The following JMJD7 variants were observed in gnomAD, a reference collection of about 807,000 sequenced individuals.
JMJD7 encodes bifunctional peptidase and (3S)-lysyl hydroxylase JMJD7.
JMJD7 carries 41 observed loss-of-function variants against 41.1 expected under a neutral mutation model. The ratio of observed to expected loss-of-function variants is 1.00; its 90% CI spans 0.78 to 1.30. The LOEUF (loss-of-function observed/expected upper bound fraction) is 1.30, where lower values mean the gene tolerates loss of function less well. Among genes scored for constraint, JMJD7 ranks in the 50% most tolerant of loss-of-function variants. The probability of loss-of-function intolerance (pLI) is 0.00; values close to 1 mark genes in which losing one functional copy is unlikely to be tolerated. For synonymous variants in JMJD7, 202 were observed against 177.2 expected, an observed-to-expected ratio of 1.14 and a Z score of -1.11; for missense variants, 480 against 420.7, an observed-to-expected ratio of 1.14 and a Z score of -1.23.
Position 41,836,234 on chromosome 15 carries a change from A to G in JMJD7, c.616A>G (p.Ile206Val), listed in dbSNP as rs144966733. 1.5e-4 allele frequency: 238 copies of G among 1,612,936 alleles called. 1 individual carries two copies. Among genetic ancestry groups the G allele is most frequent in the Non-Finnish European group, 2.0e-4 (236 of 1,179,538 alleles). Residue 206 changes from isoleucine (I) to valine (V), a missense_variant, in exon 5 of 8, where the codon ATC (isoleucine) becomes GTC (valine). Coordinates refer to ENST00000397299, the MANE Select transcript of JMJD7 (RefSeq NM_001114632.2). ...LFHPPSDRPF[I>V]PYELYTPATY... is the part of the protein sequence containing the mutation. ...CCATCCGCCCAGCGACCGGCCCTTC[A>G]TCCCCTATGGTAGGGGATGTGGCCT...
intron 1 of JMJD7, among the ~76,000 whole-genome samples, chr15:41,833,425 T>TA (rs2065262917): frequency 8.3e-6 from 1 of 121,180 alleles, no homozygotes; most frequent in African/African-American, 2.8e-5. Context: ...TTTTTTTTTT[T>TA]TTTTTTTTTT....
chr15:41,834,884 C>T lies in JMJD7; in HGVS notation c.209C>T (p.Pro70Leu). The change falls in exon 2 of 8, where the codon CCC becomes CTC. Residue 70 changes from proline (P) to leucine (L), a missense_variant. By Grantham distance (98) the Pro-to-Leu change is moderately conservative. Transcript: ENST00000397299. The stretch of plus-strand genomic sequence containing the variant: ...CCGGCCCTCCAGAAGTGGTCCCTCC[C>T]CTATTTCAGGTGGGAGCTGCCCTGG... Reference protein sequence around the residue: ...HWPALQKWSLPYFRATVGSTE... With the variant: ...HWPALQKWSLLYFRATVGSTE... 1 of 1,613,982 alleles carries T rather than the reference C, an allele frequency of 6.2e-7. No homozygotes were observed. Among genetic ancestry groups the T allele is most frequent in the Non-Finnish European group, 8.5e-7 (1 of 1,179,870 alleles).
rs564589638 is a variant in JMJD7, at chr15:41,832,748, G to A, written c.65-1992G>A. ...TCAGAAAGTAAAGGTGACTGGCATGGTGTTGCTGTGAGAGGTGCAGCGTAA... is the reference window on the plus strand; with the variant it reads ...TCAGAAAGTAAAGGTGACTGGCATGATGTTGCTGTGAGAGGTGCAGCGTAA... On this transcript the variant is annotated intron_variant, in intron 1 of 7. Transcript: ENST00000397299. 9.3e-4 allele frequency among the ~76,000 whole-genome samples: 142 copies of A among 152,332 alleles called. No homozygotes were observed. The South Asian group carries it at 0.015, about 16-fold the overall frequency.
In JMJD7 at chr15:41,835,634, A is replaced by G. The variant is rs769248515; in HGVS notation, c.519A>G (p.Ala173=). ...ACTTCTGGCTGGGGGAGGCGGCTGC[A>G]GTGACTTCTTGTAGGTGTAAGGGGA... ...AVNFWLGEAA[A]VTSLHKDHYE... Residue 173 remains alanine, a synonymous_variant, in exon 4 of 8, where the codon GCA becomes GCG. Coordinates refer to ENST00000397299, the MANE Select transcript of JMJD7 (RefSeq NM_001114632.2). 11 of 1,613,534 alleles carry G rather than the reference A, an allele frequency of 6.8e-6. No individual in the cohort carries two copies. The highest frequency in any genetic ancestry group is 1.7e-4 in the Middle Eastern group (1 of 6,054).
intron 6 of JMJD7, 35 bp from the exon 7 acceptor site, chr15:41,836,746 G>C: frequency 6.4e-7 from 1 of 1,569,304 alleles, no homozygotes. Flanking sequence ...TGGGGGGTCT[G>C]GGGGGCTGCT....
intron 3 of JMJD7, 22 bp downstream of exon 3, chr15:41,835,245 G>A (rs2241523): frequency 1.1e-5 from 18 of 1,588,436 alleles, no homozygotes; most frequent in Non-Finnish European, 1.4e-5. Flanking sequence ...TGGGGTGGTC[G>A]TGGCCCTGGA....
rs775344075 is a variant in JMJD7, at chr15:41,835,044, G to A, written c.293G>A (p.Arg98His). ...DGYADAVRGD[R>H]FMMPAERRLP... ...TACGCGGATGCCGTGAGAGGGGATC[G>A]CTTCATGATGCCAGCTGAGCGCCGC... Residue 98 changes from arginine (R) to histidine (H), a missense_variant, in exon 3 of 8, where the codon CGC (arginine) becomes CAC (histidine). Coordinates refer to ENST00000397299, the MANE Select transcript of JMJD7 (RefSeq NM_001114632.2). The A allele has an allele frequency of 5.0e-5, 81 of 1,613,814 alleles. No individual in the cohort carries two copies. The East Asian group carries it at 8.7e-4, about 17-fold the overall frequency.
At chr15:41,836,737 G>A (rs770124392) in intron 6 of JMJD7, 44 bp from the exon 7 acceptor site, 1 of 1,555,202 alleles carries the variant, frequency 6.4e-7, no homozygotes, top group Non-Finnish European at 8.7e-7. Context: ...CTGAAGTCCT[G>A]GGGGGTCTGG....
At chr15:41,834,683 G>C (rs1271699343) in intron 1 of JMJD7, 57 bp from the exon 2 acceptor site, 11 of 1,585,870 alleles carry the variant, frequency 6.9e-6, no homozygotes, top group East Asian at 2.2e-5. Flanking sequence ...CTCTTGGGCA[G>C]GGACTGGGTG....
chr15:41,835,714 G>A, intron 4 of JMJD7, 70 bp downstream of exon 4: 2 of 1,551,070 alleles, frequency 1.3e-6, no homozygotes, highest in African/African-American at 1.4e-5. Context: ...ACGAGGCCAG[G>A]AGTGGAGGGA....
At chr15:41,833,478 T>C (rs1165245643) in intron 1 of JMJD7, among the ~76,000 whole-genome samples, 7 of 140,652 alleles carry the variant, frequency 5.0e-5, no homozygotes, top group African/African-American at 1.6e-4. Flanking sequence ...TGGAGTGCAG[T>C]GGCACGATGA....
chr15:41,833,414 A>ATATATATATTTTTTTTTTTT (rs1239528383), intron 1 of JMJD7, among the ~76,000 whole-genome samples: 1 of 31,998 alleles, frequency 3.1e-5, no homozygotes, highest in Non-Finnish European at 6.1e-5. Flanking sequence ...ATATATATAT[A>ATATATATATTTTTTTTTTTT]TTTTTTTTTT....
At chr15:41,828,613 T>G in intron 1 of JMJD7, 1 of 166,210 alleles carries the variant, frequency 6.0e-6, no homozygotes, top group Non-Finnish European at 1.3e-5. Context: ...TTGGTTTTTA[T>G]TCCTTTTCTT....
intron 1 of JMJD7, among the ~76,000 whole-genome samples, chr15:41,831,635 A>G (rs1046710855): frequency 6.6e-6 from 1 of 152,186 alleles, no homozygotes; most frequent in African/African-American, 2.4e-5. Flanking sequence ...TGAACACTCA[A>G]CAGGACTACC....
intron 1 of JMJD7, 154 bp downstream of exon 1, chr15:41,828,342 G>A: frequency 2.2e-6 from 2 of 914,490 alleles, no homozygotes; most frequent in South Asian, 5.2e-5. Flanking sequence ...CTTCTCCCGT[G>A]TTCGCGCGCT....
intron 1 of JMJD7, among the ~76,000 whole-genome samples, chr15:41,833,791 G>A (rs544922905): frequency 6.6e-6 from 1 of 152,150 alleles, no homozygotes; most frequent in East Asian, 1.9e-4. Context: ...ATAAAGATTT[G>A]CAGCAGGGGG....
chr15:41,836,187 C>T lies in JMJD7; in HGVS notation c.569C>T (p.Ser190Leu), dbSNP rs2065311955. Residue 190 changes from serine to leucine, a missense_variant, in exon 5 of 8, where the codon TCA (serine) becomes TTA (leucine). Transcript: ENST00000397299. ...DHYENLYCVV[S>L]GEKHFLFHPP... ...TATGAGAACCTCTACTGCGTGGTCT[C>T]AGGAGAGAAGCATTTCCTGTTCCAT... is the stretch of plus-strand genomic sequence containing the variant. 5.0e-6 allele frequency: 8 copies of T among 1,612,364 alleles called. No individual in the cohort carries two copies. The highest frequency in any genetic ancestry group is 5.9e-6 in the Non-Finnish European group (7 of 1,179,186).
At chr15:41,834,143 G>A (rs1452507452) in intron 1 of JMJD7, among the ~76,000 whole-genome samples, 2 of 152,200 alleles carry the variant, frequency 1.3e-5, no homozygotes, top group South Asian at 4.1e-4. Flanking sequence ...AACCATAGCC[G>A]AGCCCTTCCT....
chr15:41,835,179 T>C lies in JMJD7; in HGVS notation c.428T>C (p.Leu143Pro). The part of the protein sequence containing the change: ...SNLPSELPQL[L>P]PDLESHVPWA... ...CTGCCCAGCGAGCTGCCCCAGCTGCTGCCTGATCTGGAATCCCATGTGCCC... is the reference window on the plus strand; with the variant it reads ...CTGCCCAGCGAGCTGCCCCAGCTGCCGCCTGATCTGGAATCCCATGTGCCC... The change falls in exon 3 of 8, where the codon CTG becomes CCG. Residue 143 changes from leucine to proline, a missense_variant. By Grantham distance (98) the Leu-to-Pro change is moderately conservative. Coordinates refer to ENST00000397299, the MANE Select transcript of JMJD7 (RefSeq NM_001114632.2). 6.2e-7 allele frequency: 1 copy of C among 1,602,612 alleles called. No homozygotes were observed.
Sources: gnomAD v4.1 joint callset for allele counts (sites outside exome capture counted in the v4.1 genomes callset) on GRCh38, gnomAD v4.1.1 for gene constraint, MANE v1.5 for transcripts, NCBI Gene and HGNC (gene_info 2026-07-23, HGNC 2026-07-21) for gene names.